Variants in PTPN22 observed in about 807,000 individuals in gnomAD.
PTPN22 encodes the protein protein tyrosine phosphatase non-receptor type 22.
In PTPN22, 85 loss-of-function variants were observed where a neutral mutation model predicts 103.3. The observed-to-expected ratio is 0.82, with a 90% CI of 0.69 to 0.99. The LOEUF is 0.99. PTPN22 is among the 50% of genes least tolerant of loss of function. The pLI is 0.00. For synonymous variants in PTPN22, 323 were observed against 310.2 expected (o/e 1.04, Z -0.43); for missense variants, 865 against 936.9 (o/e 0.92, Z 1.00).
intron 18 of PTPN22, chr1:113,828,998 T>C (rs1323752357): frequency 6.6e-6 from 1 of 152,160 alleles, no homozygotes; most frequent in Non-Finnish European, 1.5e-5. Context: ...CTCTCTTTCA[T>C]TGCTTTTCTT....
At chr1:113,870,144 G>T (rs936024673) in intron 1 of PTPN22, among the ~76,000 whole-genome samples, 3 of 151,992 alleles carry the variant, frequency 2.0e-5, no homozygotes, top group African/African-American at 7.2e-5. Flanking sequence ...CTCAATAAAT[G>T]GTACTCAATA....
rs112322151 is a variant in PTPN22 at position 113,850,479 on chromosome 1, A to G, written c.828+1548T>C. Among the ~76,000 whole-genome samples, 847 of 152,322 alleles carry G rather than the reference A, an allele frequency of 5.6e-3. 6 individuals carry two copies. Among genetic ancestry groups the G allele is most frequent in the African/African-American group, 0.019 (810 of 41,588 alleles). The stretch of plus-strand genomic sequence containing the variant: ...GAAATTCGTTTTTGAAATGGGGTAT[A>G]GTTTTATTAAATTAGTATTGCTATT... On this transcript the variant is annotated intron_variant, in intron 10 of 20. Coordinates refer to ENST00000359785, the Ensembl canonical transcript of PTPN22.
At chr1:113,824,162 C>T (rs1476123188) in intron 19 of PTPN22, among the ~76,000 whole-genome samples, 4 of 150,556 alleles carry the variant, frequency 2.7e-5, no homozygotes, top group Middle Eastern at 3.4e-3. Flanking sequence ...AGTGCAGTGG[C>T]GCAATCTTGG....
In PTPN22 at chr1:113,838,190, T is replaced by A. The variant is rs759029790; in HGVS notation, c.1210A>T (p.Ile404Leu). Residue 404 changes from isoleucine (I) to leucine (L), a missense_variant, in exon 13 of 21, where the codon ATA (isoleucine) becomes TTA (leucine). Coordinates refer to ENST00000359785, the Ensembl canonical transcript of PTPN22. The stretch of plus-strand genomic sequence containing the variant: ...TGCTTCTGAAGAGGCTCCCCAACTA[T>A]TGGAAATGCCTTTGTCTGCCATTTC... 3 of 1,613,996 alleles carry A rather than the reference T, an allele frequency of 1.9e-6. No individual in the cohort carries two copies. The African/African-American group carries it at 4.0e-5, about 22-fold the overall frequency.
At chr1:113,834,347 T>G (rs1276677552) in exon 15 of PTPN22, 7 of 1,614,086 alleles carry the variant, frequency 4.3e-6, no homozygotes, top group Non-Finnish European at 5.9e-6. Context: ...TCAAATTTCT[T>G]TGGTTCAGAT....
At chr1:113,846,455 T>A (rs1175634831) in intron 11 of PTPN22, among the ~76,000 whole-genome samples, 1 of 152,210 alleles carries the variant, frequency 6.6e-6, no homozygotes, top group Non-Finnish European at 1.5e-5. Flanking sequence ...TTTCCTTTAA[T>A]ACATTTAGAA....
chr1:113,819,811 C>T (rs1661444522), intron 19 of PTPN22, 157 bp from the exon 20 acceptor site: 1 of 434,234 alleles, frequency 2.3e-6, no homozygotes, highest in Non-Finnish European at 4.0e-6. Context: ...AATGGGTTGA[C>T]ACTATAATAT....
chr1:113,870,686 A>C (rs755274991), intron 1 of PTPN22, among the ~76,000 whole-genome samples: 5 of 152,170 alleles, frequency 3.3e-5, no homozygotes, highest in Non-Finnish European at 7.4e-5. Flanking sequence ...CTGTTATTGA[A>C]AAAACACATG....
At chr1:113,815,161 CTAA>C (rs201113234) in intron 20 of PTPN22, among the ~76,000 whole-genome samples, 192 bp from the exon 21 acceptor site, 1,839 of 152,060 alleles carry the variant, frequency 0.012, 47 homozygotes, top group African/African-American at 0.043. Context: ...TAACAGAATA[CTAA>C]TAACACTTTA....
intron 13 of PTPN22, 136 bp downstream of exon 13, chr1:113,837,454 A>G: frequency 1.4e-6 from 1 of 696,656 alleles, no homozygotes; most frequent in Non-Finnish European, 2.3e-6. Flanking sequence ...CATCTCAAAA[A>G]AAAAAAAGAA....
chr1:113,816,773 G>A (rs1238911873), intron 20 of PTPN22, among the ~76,000 whole-genome samples: 1 of 152,164 alleles, frequency 6.6e-6, no homozygotes. Flanking sequence ...GCTGGGCATG[G>A]TGGCGGGTGC....
At chr1:113,863,856 A>G (rs1186019599) in intron 1 of PTPN22, among the ~76,000 whole-genome samples, 1 of 150,234 alleles carries the variant, frequency 6.7e-6, no homozygotes, top group Non-Finnish European at 1.5e-5. Flanking sequence ...GGCCTTCAGA[A>G]CTAGGTATCT....
intron 18 of PTPN22, among the ~76,000 whole-genome samples, chr1:113,825,778 A>G (rs1662001973): frequency 6.6e-6 from 1 of 152,044 alleles, no homozygotes; most frequent in South Asian, 2.1e-4. Flanking sequence ...CAGTGGCGTG[A>G]TCTCAGCTCA....
intron 10 of PTPN22, among the ~76,000 whole-genome samples, chr1:113,850,264 GGAAGGAAGGAAA>G (rs1458143616): frequency 1.5e-4 from 20 of 132,158 alleles, no homozygotes; most frequent in African/African-American, 2.1e-4. Flanking sequence ...AAGGAAGGAA[GGAAGGAAGGAAA>G]GAAAGGAAGA....
chr1:113,864,356 C>A, intron 1 of PTPN22: 1 of 322,598 alleles, frequency 3.1e-6, no homozygotes, highest in South Asian at 2.3e-5. Flanking sequence ...AGCCACGGCA[C>A]TCCAGCCTGG....
intron 4 of PTPN22, 173 bp from the exon 5 acceptor site, chr1:113,857,949 T>G (rs1489944305): frequency 2.0e-6 from 1 of 510,470 alleles, no homozygotes; most frequent in East Asian, 3.4e-5. Context: ...TACTCTTCCT[T>G]CATTCTGACA....
intron 10 of PTPN22, among the ~76,000 whole-genome samples, chr1:113,850,975 C>T (rs1664520333): frequency 6.6e-6 from 1 of 151,986 alleles, no homozygotes; most frequent in Admixed American, 6.6e-5. Context: ...AAATGGAGAC[C>T]ACTTAGAAAA....
At chr1:113,858,643 CTT>C (rs371112671) in intron 3 of PTPN22, 70 bp from the exon 4 acceptor site, 16,511 of 677,912 alleles carry the variant, frequency 0.024, no homozygotes, top group South Asian at 0.035. Flanking sequence ...CCTCCGCTTC[CTT>C]TTTTTTTTTT....
At chr1:113,832,469 C>T (rs1032962076) in intron 16 of PTPN22, among the ~76,000 whole-genome samples, 6 of 152,090 alleles carry the variant, frequency 3.9e-5, no homozygotes, top group South Asian at 2.1e-4. Context: ...TGAGCCACTG[C>T]GCCTGGCCTG....
Sources: allele counts gnomAD v4.1 joint callset (sites outside exome capture counted in the v4.1 genomes callset), GRCh38; gene constraint gnomAD v4.1.1; transcripts MANE v1.5; gene names NCBI Gene and HGNC (gene_info 2026-07-23, HGNC 2026-07-21).